Variants in PAN3 observed in about 807,000 individuals in gnomAD.
PAN3 encodes poly(A) specific ribonuclease subunit PAN3.
In PAN3, 19 loss-of-function variants were observed where a neutral mutation model predicts 96.2. The ratio of observed to expected loss-of-function variants is 0.20; its 90% confidence interval spans 0.14 to 0.29. PAN3 has a LOEUF of 0.29. Ranked by LOEUF, PAN3 falls within the 10% of genes least tolerant of loss-of-function variation. PAN3 has a pLI of 1.00. For synonymous variants in PAN3, 433 were observed against 406.6 expected (o/e 1.06, Z -0.78); for missense variants, 882 against 1,108.1 (o/e 0.80, Z 2.90).
rs562016371 is a variant in PAN3 at position 28,235,461 on chromosome 13, G to C, written c.1000+15083G>C. On this transcript the variant is annotated intron_variant, in intron 6 of 18. Transcript: ENST00000380958. ...AAGAATATGTATTTGAACATGGTCA[G>C]CCTTTTCCCCATCATCTCTGTGCCT... 2.0e-5 allele frequency among the ~76,000 whole-genome samples: 3 copies of C among 152,148 alleles called. No individual in the cohort carries two copies. In the South Asian group the frequency reaches 6.2e-4, roughly 32 times the overall value.
chr13:28,280,221 T>C (rs980606716), intron 15 of PAN3, among the ~76,000 whole-genome samples, 191 bp from the exon 16 acceptor site: 1 of 152,226 alleles, frequency 6.6e-6, no homozygotes. Context: ...TTACTGTTTC[T>C]CCATTGGCTG....
intron 7 of PAN3, 84 bp downstream of exon 7, chr13:28,256,623 G>A (rs1440786243): frequency 2.2e-6 from 3 of 1,375,324 alleles, no homozygotes; most frequent in South Asian, 3.1e-5. Flanking sequence ...CCCTCCTGCA[G>A]CTTTTTATTG....
intron 6 of PAN3, among the ~76,000 whole-genome samples, chr13:28,244,841 GTTTTA>G (rs1327325943): frequency 6.6e-6 from 1 of 150,780 alleles, no homozygotes; most frequent in Admixed American, 6.6e-5. Flanking sequence ...TTTTTATTTT[GTTTTA>G]TTTTATTTTA....
intron 6 of PAN3, chr13:28,232,572 G>T (rs1882688401): frequency 6.6e-6 from 1 of 151,868 alleles, no homozygotes; most frequent in Non-Finnish European, 1.5e-5. Context: ...CCTGTGCAAA[G>T]ATGACATCCA....
chr13:28,148,963 A>G (rs915431918), intron 1 of PAN3, among the ~76,000 whole-genome samples: 2 of 152,116 alleles, frequency 1.3e-5, no homozygotes, highest in African/African-American at 2.4e-5. Context: ...TTAATGTACT[A>G]TGTATATTTA....
intron 5 of PAN3, among the ~76,000 whole-genome samples, chr13:28,209,791 C>T (rs921978746): frequency 6.6e-6 from 1 of 151,834 alleles, no homozygotes; most frequent in East Asian, 1.9e-4. Context: ...TTCTTTTCCC[C>T]TTCTCCTTCC....
chr13:28,274,466 T>C (rs986835965), intron 14 of PAN3, among the ~76,000 whole-genome samples: 4 of 151,372 alleles, frequency 2.6e-5, no homozygotes, highest in African/African-American at 9.7e-5. Context: ...CATCTTCTAA[T>C]GTAAGTATCT....
Position 28,266,780 on chromosome 13 carries a change from C to T in PAN3, c.1477C>T (p.Arg493Trp), listed in dbSNP as rs1166800918. The T allele has an allele frequency of 1.9e-6, 3 of 1,609,788 alleles. No homozygotes were observed. Among genetic ancestry groups the T allele is most frequent in the African/African-American group, 1.3e-5 (1 of 74,774 alleles). ...FPLEPLPPPN[R>W]IQKSSNFGYI... The stretch of plus-strand genomic sequence containing the variant: ...TCTAGAACCACTGCCACCTCCCAAC[C>T]GGATACAGAAATCAAGTAATTTTGG... The change falls in exon 10 of 19, where the codon CGG (arginine) becomes TGG (tryptophan). Residue 493 changes from arginine to tryptophan, a missense_variant. Arg to Trp is a moderately radical substitution (Grantham distance 101). This residue lies in a region of PAN3 where 364 missense variants were observed against 513.6 expected (regional missense o/e 0.71). Coordinates refer to ENST00000380958, the MANE Select transcript of PAN3 (RefSeq NM_175854.8).
chr13:28,184,473 T>C (rs1876207740), intron 4 of PAN3, among the ~76,000 whole-genome samples: 1 of 152,092 alleles, frequency 6.6e-6, no homozygotes, highest in African/African-American at 2.4e-5. Context: ...AGGCCACTGG[T>C]AATATGGAGA....
intron 17 of PAN3, among the ~76,000 whole-genome samples, chr13:28,282,489 C>G (rs1460520428): frequency 4.6e-5 from 7 of 152,168 alleles, no homozygotes; most frequent in Non-Finnish European, 1.0e-4. Flanking sequence ...GCTGTTTCTT[C>G]TAGCATTTAT....
At chr13:28,169,849 C>G (rs906965412) in intron 1 of PAN3, among the ~76,000 whole-genome samples, 5 of 151,616 alleles carry the variant, frequency 3.3e-5, no homozygotes, top group African/African-American at 1.2e-4. Context: ...GAGTTTGAGA[C>G]CAGCCTGGCC....
In PAN3 at chr13:28,138,551, C is replaced by T. The variant is rs901887868; in HGVS notation, c.-107C>T. ...CCCGCAGCGGGACAGACCCACCCGC[C>T]CAGGCTTTTATCCGGCACCGGCAGC... On this transcript the variant is annotated 5_prime_UTR_variant, in exon 1 of 19. Coordinates refer to ENST00000380958, the MANE Select transcript of PAN3 (RefSeq NM_175854.8). 2.4e-6 allele frequency: 1 copy of T among 422,776 alleles called. No homozygotes were observed. The highest frequency in any genetic ancestry group is 2.1e-5 in the African/African-American group (1 of 47,678). 26.2% of individuals were successfully genotyped at this position (422,776 alleles called of 1,614,324 possible).
At chr13:28,145,254 T>C (rs182126814) in intron 1 of PAN3, among the ~76,000 whole-genome samples, 3 of 152,042 alleles carry the variant, frequency 2.0e-5, no homozygotes, top group African/African-American at 7.2e-5. Flanking sequence ...TGCACTTGCG[T>C]GTGTGTGTGT....
At chr13:28,246,626 T>G (rs1566224097) in intron 6 of PAN3, among the ~76,000 whole-genome samples, 1 of 152,152 alleles carries the variant, frequency 6.6e-6, no homozygotes, top group Non-Finnish European at 1.5e-5. Context: ...TCTTTCTATC[T>G]CTATGAGATC....
At chr13:28,198,936 C>A (rs560306120) in intron 5 of PAN3, among the ~76,000 whole-genome samples, 6 of 152,150 alleles carry the variant, frequency 3.9e-5, no homozygotes, top group African/African-American at 1.4e-4. Context: ...GTAAATATTG[C>A]AAAATGTAGT....
chr13:28,277,440 GTT>G, intron 15 of PAN3, 64 bp downstream of exon 15: 1 of 1,500,248 alleles, frequency 6.7e-7, no homozygotes, highest in South Asian at 1.3e-5. Flanking sequence ...AGCTTTTTTT[GTT>G]TTAAGTGATT....
At chr13:28,161,040 C>T (rs887694610) in intron 1 of PAN3, among the ~76,000 whole-genome samples, 3 of 152,190 alleles carry the variant, frequency 2.0e-5, no homozygotes, top group African/African-American at 7.2e-5. Flanking sequence ...TGTTATTTTA[C>T]TAAGCAAGCA....
intron 1 of PAN3, among the ~76,000 whole-genome samples, chr13:28,166,877 T>A (rs1277672706): frequency 6.6e-6 from 1 of 152,068 alleles, no homozygotes; most frequent in Non-Finnish European, 1.5e-5. Flanking sequence ...AGCAGAGATG[T>A]GAGGCAACCC....
At chr13:28,148,698 CTCTATG>C (rs1176048001) in intron 1 of PAN3, among the ~76,000 whole-genome samples, 1 of 152,128 alleles carries the variant, frequency 6.6e-6, no homozygotes, top group Non-Finnish European at 1.5e-5. Flanking sequence ...GTTTATATTT[CTCTATG>C]TCTAACACAT....
Sources: gnomAD v4.1 joint callset for allele counts (sites outside exome capture counted in the v4.1 genomes callset) on GRCh38, gnomAD v4.1.1 for gene constraint, gnomAD v4.1.1 regional missense constraint, MANE v1.5 for transcripts, NCBI Gene and HGNC (gene_info 2026-07-23, HGNC 2026-07-21) for gene names.